The following KAZN variants were observed in gnomAD, a reference collection of about 807,000 sequenced individuals.
KAZN encodes kazrin.
Under a neutral mutation model 87.4 loss-of-function variants are expected in KAZN, and 40 were observed. That is an observed-to-expected ratio of 0.46 (90% CI 0.36 to 0.60). KAZN has a LOEUF of 0.60. Among genes scored for constraint, KAZN ranks in the 20% least tolerant of loss-of-function variants. The pLI is 0.00. For synonymous variants in KAZN, 466 were observed against 458.3 expected, an observed-to-expected ratio of 1.02 and a Z score of -0.22; for missense variants, 898 against 1,073.9, an observed-to-expected ratio of 0.84 and a Z score of 2.29.
At chr1:15,085,222 TA>T (rs1640193662) in intron 8 of KAZN, among the ~76,000 whole-genome samples, 1 of 152,218 alleles carries the variant, frequency 6.6e-6, no homozygotes, top group Admixed American at 6.5e-5. Context: ...TCGAATACAC[TA>T]GCCACTAGCC....
chr1:14,587,863 A>G (rs1389805213), intron 2 of KAZN, among the ~76,000 whole-genome samples: 1 of 152,182 alleles, frequency 6.6e-6, no homozygotes, highest in Non-Finnish European at 1.5e-5. Context: ...CCCAGAAAAA[A>G]AGATGACTGT....
chr1:14,292,990 G>C (rs779681624), intron 2 of KAZN, among the ~76,000 whole-genome samples: 1 of 152,194 alleles, frequency 6.6e-6, no homozygotes, highest in African/African-American at 2.4e-5. Context: ...TGAGCATGCT[G>C]GTGAAGTGGG....
chr1:15,082,536 C>T (rs547563893), intron 8 of KAZN, among the ~76,000 whole-genome samples: 1 of 152,334 alleles, frequency 6.6e-6, no homozygotes, highest in South Asian at 2.1e-4. Context: ...CTAAGTCTTT[C>T]CCATAGCTGC....
At chr1:14,284,963 T>G (rs1483022472) in intron 2 of KAZN, among the ~76,000 whole-genome samples, 1 of 152,206 alleles carries the variant, frequency 6.6e-6, no homozygotes, top group Non-Finnish European at 1.5e-5. Context: ...AAGTTAGCAT[T>G]TGTTTTGCCC....
At chr1:14,437,532 A>T (rs976715299) in intron 2 of KAZN, among the ~76,000 whole-genome samples, 2 of 152,168 alleles carry the variant, frequency 1.3e-5, no homozygotes, top group African/African-American at 4.8e-5. Flanking sequence ...GCATTGTAAA[A>T]ATGCTTGTCC....
At chr1:14,365,582 T>C (rs1218315223) in intron 2 of KAZN, among the ~76,000 whole-genome samples, 1 of 152,194 alleles carries the variant, frequency 6.6e-6, no homozygotes, top group Non-Finnish European at 1.5e-5. Context: ...TCGGCACTAC[T>C]GAAATTTGTG....
At chr1:15,091,220 T>C (rs1640517734) in intron 8 of KAZN, among the ~76,000 whole-genome samples, 1 of 152,234 alleles carries the variant, frequency 6.6e-6, no homozygotes, top group African/African-American at 2.4e-5. Flanking sequence ...TATTTTTATA[T>C]ACTAGATTTT....
intron 2 of KAZN, among the ~76,000 whole-genome samples, chr1:14,485,168 A>G (rs1299031211): frequency 6.6e-6 from 1 of 152,232 alleles, no homozygotes; most frequent in Admixed American, 6.5e-5. Context: ...TACTGAAAGG[A>G]AGGCCAGAAT....
chr1:14,230,890 A>G (rs141606569), intron 2 of KAZN, among the ~76,000 whole-genome samples: 163 of 152,308 alleles, frequency 1.1e-3, no homozygotes, highest in African/African-American at 3.7e-3. Flanking sequence ...GATGGTCTCA[A>G]AGAAGCCTAA....
chr1:14,480,706 T>C (rs1256896187), intron 2 of KAZN, among the ~76,000 whole-genome samples: 1 of 145,698 alleles, frequency 6.9e-6, no homozygotes, highest in East Asian at 1.9e-4. Context: ...TATATTTTTA[T>C]GTATATATAA....
chr1:15,026,781 T>A (rs1220809504), intron 2 of KAZN, among the ~76,000 whole-genome samples: 1 of 152,190 alleles, frequency 6.6e-6, no homozygotes, highest in African/African-American at 2.4e-5. Flanking sequence ...ATATTTCTTA[T>A]CATTTTTCTC....
At chr1:14,954,862 C>T (rs943290972) in intron 1 of KAZN, among the ~76,000 whole-genome samples, 12 of 150,784 alleles carry the variant, frequency 8.0e-5, no homozygotes, top group African/African-American at 2.4e-4. Flanking sequence ...AGGCTGAGGC[C>T]GGAACCCAGG....
intron 1 of KAZN, among the ~76,000 whole-genome samples, chr1:14,811,129 C>G (rs1646395749): frequency 6.6e-6 from 1 of 152,190 alleles, no homozygotes; most frequent in Admixed American, 6.5e-5. Context: ...CCTCGCCCTC[C>G]CCCAACCGAC....
rs887571188 is a variant in KAZN, at chr1:14,417,920, C to T, written c.250-181063C>T. Among the ~76,000 whole-genome samples, 3 of 136,772 alleles carry T rather than the reference C, an allele frequency of 2.2e-5. No homozygotes were observed. The South Asian group carries it at 7.1e-4, about 32-fold the overall frequency. The allele number at this position is 136,772 out of a possible 152,430, so 89.7% of individuals were successfully genotyped here. ...CCGAGGCAGGAGAATGGCGTGAACC[C>T]GGGAAGCAGAGCATGCAGTGAGCAG... On this transcript the variant is annotated intron_variant, in intron 2 of 16. Transcript: ENST00000636203.
chr1:14,464,104 G>T (rs1195165249), intron 2 of KAZN, among the ~76,000 whole-genome samples: 2 of 152,208 alleles, frequency 1.3e-5, no homozygotes, highest in Non-Finnish European at 2.9e-5. Flanking sequence ...TGTGCTCCGG[G>T]ATCTTTCAGA....
intron 1 of KAZN, among the ~76,000 whole-genome samples, chr1:13,929,190 G>A (rs1640408061): frequency 6.6e-6 from 1 of 151,896 alleles, no homozygotes; most frequent in Non-Finnish European, 1.5e-5. Flanking sequence ...AAGGAGCTGG[G>A]ATTACAAGCA....
At chr1:14,652,478 C>CCCACCCACCCAT (rs1638457147) in intron 1 of KAZN, among the ~76,000 whole-genome samples, 2 of 45,340 alleles carry the variant, frequency 4.4e-5, no homozygotes, top group African/African-American at 8.0e-5. Flanking sequence ...CACCCACCCA[C>CCCACCCACCCAT]CCGCCCATCC....
intron 1 of KAZN, among the ~76,000 whole-genome samples, chr1:13,973,331 A>G (rs1339842395): frequency 6.6e-6 from 1 of 152,084 alleles, no homozygotes; most frequent in African/African-American, 2.4e-5. Flanking sequence ...TTTATTCCCT[A>G]GGAGGCTGAC....
At position 14,960,894 on chromosome 1, in the gene KAZN, G is replaced by T; in HGVS notation, c.418+19G>T. On this transcript the variant is annotated intron_variant, in intron 2 of 14. Transcript: ENST00000376030. ...TTGCAGGGTGAGTGACGAGTCAGCA[G>T]CAGTTCCTTCGCTGGGAGCTCAGGC... 1 of 1,589,756 alleles carries T rather than the reference G, an allele frequency of 6.3e-7. No homozygotes were observed. Among genetic ancestry groups the T allele is most frequent in the Middle Eastern group, 2.3e-4 (1 of 4,440 alleles).
Sources: allele counts gnomAD v4.1 joint callset (sites outside exome capture counted in the v4.1 genomes callset), GRCh38; gene constraint gnomAD v4.1.1; transcripts MANE v1.5; gene names NCBI Gene and HGNC (gene_info 2026-07-23, HGNC 2026-07-21).